Variants in COL4A1 observed in about 807,000 individuals in gnomAD.
COL4A1 encodes the protein collagen alpha-1(IV) chain.
In COL4A1, 40 loss-of-function variants were observed where a neutral mutation model predicts 216.6. The ratio of observed to expected loss-of-function variants is 0.18; its 90% confidence interval spans 0.14 to 0.24. The LOEUF (loss-of-function observed/expected upper bound fraction) is 0.24. COL4A1 is among the 10% of genes least tolerant of loss of function. The pLI, the probability that COL4A1 is intolerant of heterozygous loss-of-function variation, is 1.00. For synonymous variants in COL4A1, 839 were observed against 810.7 expected, an observed-to-expected ratio of 1.03 and a Z score of -0.59; for missense variants, 1,628 against 2,196.8, an observed-to-expected ratio of 0.74 and a Z score of 5.18.
At position 110,192,296 on chromosome 13, in the gene COL4A1, G is replaced by C. The variant is rs1878669385; in HGVS notation, c.1466-12C>G. ...CTGCCCTGGGAAACCTTTCGTGAGA[G>C]AGAGGGAAAAAGACAGCAACACAGC... On this transcript the variant is annotated splice_polypyrimidine_tract_variant and intron_variant, in intron 23 of 51. Coordinates refer to ENST00000375820, the MANE Select transcript of COL4A1 (RefSeq NM_001845.6). The C allele has an allele frequency of 1.2e-6, 2 of 1,613,936 alleles. No homozygotes were observed. The highest frequency in any genetic ancestry group is 1.3e-5 in the African/African-American group (1 of 75,044).
Position 110,163,485 on chromosome 13 carries a change from C to T in COL4A1, c.4227G>A (p.Glu1409=), listed in dbSNP as rs1282075925. The change falls in exon 47 of 52, where the codon GAG becomes GAA. Residue 1409 remains glutamate (E), a synonymous_variant. Transcript: ENST00000375820. ...TACCAGTAGGCCCGGCAGGTCCCAT[C>T]TCTCCTTTCTGGCCAGGGGCACCGT... The part of the protein sequence containing the change: ...GFDGAPGQKG[E]MGPAGPTGPR... The T allele has an allele frequency of 6.2e-7, 1 of 1,614,158 alleles. No individual in the cohort carries two copies. Among genetic ancestry groups the T allele is most frequent in the Non-Finnish European group, 8.5e-7 (1 of 1,180,038 alleles).
rs71127921 is a variant in COL4A1 at position 110,219,967 on chromosome 13, C to CATATATATAT, written c.145-5962_145-5953dup. On this transcript the variant is annotated intron_variant, in intron 2 of 51. Coordinates refer to ENST00000375820, the MANE Select transcript of COL4A1 (RefSeq NM_001845.6). ...GTATATATACACATACATACATATA[C>CATATATATAT]ATATATATATATATATATTTGAGGC... 1.1e-3 allele frequency among the ~76,000 whole-genome samples: 147 copies of CATATATATAT among 134,150 alleles called. No individual in the cohort carries two copies. In the Middle Eastern group the frequency reaches 0.015, roughly 14 times the overall value. 88.0% of individuals were successfully genotyped at this position (134,150 alleles called of 152,430 possible).
intron 1 of COL4A1, among the ~76,000 whole-genome samples, chr13:110,273,257 G>A (rs916749546): frequency 6.6e-6 from 1 of 152,182 alleles, no homozygotes; most frequent in Admixed American, 6.5e-5. Context: ...AAGTGGAGAA[G>A]GTCCCTGCTA....
intron 26 of COL4A1, among the ~76,000 whole-genome samples, chr13:110,184,514 T>A (rs1405666091): frequency 1.3e-5 from 2 of 152,166 alleles, no homozygotes; most frequent in East Asian, 3.8e-4. Flanking sequence ...CTGGGACGCT[T>A]CTAAACAAAG....
Position 110,268,414 on chromosome 13 carries a change from C to G in COL4A1, c.85-25680G>C, listed in dbSNP as rs1463613915. ...TATGCAGAAGCCGGCATGGCCAGCT[C>G]TCTGCTCTCTTTAGAGAGAAGGCAA... On this transcript the variant is annotated intron_variant, in intron 1 of 51. Coordinates refer to ENST00000375820, the MANE Select transcript of COL4A1 (RefSeq NM_001845.6). This position sits in a 1 kb window ranked among gnomAD's most constrained non-coding sequence, Gnocchi z 4.1. Among the ~76,000 whole-genome samples, 1 of 152,166 alleles carries G rather than the reference C, an allele frequency of 6.6e-6. No individual in the cohort carries two copies. The highest frequency in any genetic ancestry group is 1.5e-5 in the Non-Finnish European group (1 of 68,030).
intron 2 of COL4A1, among the ~76,000 whole-genome samples, chr13:110,219,668 A>ATATGTGTATATG (rs1555307836): frequency 2.2e-5 from 1 of 45,418 alleles, no homozygotes; most frequent in African/African-American, 6.5e-5. Context: ...ATATGTATAT[A>ATATGTGTATATG]TATATATATG....
intron 49 of COL4A1, among the ~76,000 whole-genome samples, chr13:110,160,412 C>T (rs1029608937): frequency 1.1e-5 from 1 of 88,170 alleles, no homozygotes; most frequent in Middle Eastern, 6.3e-3. Flanking sequence ...CACTGCAGTC[C>T]GCAGTCCGGC....
At chr13:110,150,552 G>A in intron 51 of COL4A1, 108 bp from the exon 52 acceptor site, 1 of 1,133,378 alleles carries the variant, frequency 8.8e-7, no homozygotes, top group Non-Finnish European at 1.3e-6. Flanking sequence ...CCAGCCCCTG[G>A]CATCAGGCCT....
At chr13:110,262,948 T>C (rs1022627692) in intron 1 of COL4A1, among the ~76,000 whole-genome samples, 1 of 152,188 alleles carries the variant, frequency 6.6e-6, no homozygotes, top group Non-Finnish European at 1.5e-5. Context: ...CTCGTGAGCT[T>C]AGAGGAGCTC....
intron 1 of COL4A1, among the ~76,000 whole-genome samples, chr13:110,290,429 A>T (rs962245905): frequency 1.3e-5 from 2 of 152,212 alleles, no homozygotes; most frequent in Non-Finnish European, 2.9e-5. Flanking sequence ...TAATCAGTAC[A>T]TCTAATGACC....
chr13:110,202,922 AG>A (rs1040869003), intron 18 of COL4A1, among the ~76,000 whole-genome samples: 2 of 152,218 alleles, frequency 1.3e-5, no homozygotes, highest in African/African-American at 4.8e-5. Context: ...TTTTTAAAAA[AG>A]GTGTCAAGGC....
At chr13:110,177,972 G>C in intron 32 of COL4A1, 41 bp from the exon 33 acceptor site, 1 of 1,613,844 alleles carries the variant, frequency 6.2e-7, no homozygotes. Flanking sequence ...TTCTTGCTCT[G>C]AATGCTGACA....
intron 1 of COL4A1, among the ~76,000 whole-genome samples, chr13:110,296,608 A>G (rs536504045): frequency 5.3e-5 from 8 of 152,224 alleles, no homozygotes; most frequent in Non-Finnish European, 1.0e-4. Flanking sequence ...CAAGCAAGCA[A>G]TCATTTCTTC....
chr13:110,192,358 T>G, intron 23 of COL4A1, 74 bp from the exon 24 acceptor site: 1 of 1,401,882 alleles, frequency 7.1e-7, no homozygotes, highest in East Asian at 2.3e-5. Flanking sequence ...TTCTTAAGAC[T>G]CAAAAGCATA....
rs75749490 is a variant in COL4A1 at position 110,206,259 on chromosome 13, G to C, written c.858+406C>G. 6.4e-3 allele frequency among the ~76,000 whole-genome samples: 974 copies of C among 152,222 alleles called. 20 individuals carry two copies. Among genetic ancestry groups the C allele is most frequent in the East Asian group, 0.05 (256 of 5,166 alleles). On this transcript the variant is annotated intron_variant, in intron 15 of 51. Transcript: ENST00000375820. ...ATCCCAGCTGACTGGCAGTGGGGTG[G>C]GTCTCACGCCACCACCATCCCTAAA...
intron 20 of COL4A1, among the ~76,000 whole-genome samples, chr13:110,200,375 G>A (rs1430989537): frequency 6.6e-6 from 1 of 152,244 alleles, no homozygotes; most frequent in Non-Finnish European, 1.5e-5. Flanking sequence ...GGTCCAGGGA[G>A]GCAAGGCTGG....
At chr13:110,201,023 C>T (rs560357180) in intron 19 of COL4A1, 134 bp from the exon 20 acceptor site, 4 of 936,952 alleles carry the variant, frequency 4.3e-6, no homozygotes, top group Non-Finnish European at 5.1e-6. Context: ...GAAAACAGAG[C>T]GGGAGACCAC....
intron 1 of COL4A1, among the ~76,000 whole-genome samples, chr13:110,272,231 T>C (rs1426734718): frequency 1.3e-5 from 2 of 152,216 alleles, no homozygotes; most frequent in African/African-American, 4.8e-5. Flanking sequence ...TCTTTTTCAG[T>C]AACTCAGAAA....
At chr13:110,191,684 T>G (rs1878634057) in intron 24 of COL4A1, 1 of 672,426 alleles carries the variant, frequency 1.5e-6, no homozygotes, top group African/African-American at 1.8e-5. Flanking sequence ...AATTTTCAAC[T>G]GTAAGAAGAA....
Sources: gnomAD v4.1 joint callset for allele counts (sites outside exome capture counted in the v4.1 genomes callset) on GRCh38, gnomAD v4.1.1 for gene constraint, Gnocchi (gnomAD v3.1) non-coding constraint, MANE v1.5 for transcripts, NCBI Gene and HGNC (gene_info 2026-07-23, HGNC 2026-07-21) for gene names.